Variants in SGCZ observed in about 807,000 individuals in gnomAD.
SGCZ encodes the protein zeta-sarcoglycan.
SGCZ carries 40 observed loss-of-function variants against 41.3 expected under a neutral mutation model. The ratio of observed to expected loss-of-function variants is 0.97; its 90% CI spans 0.75 to 1.26. The LOEUF (loss-of-function observed/expected upper bound fraction) is 1.26. Among genes scored for constraint, SGCZ ranks in the 50% most tolerant of loss-of-function variants. The probability of loss-of-function intolerance (pLI) is 0.00; values close to 1 mark genes in which losing one functional copy is unlikely to be tolerated. For missense variants in SGCZ, 552 were observed against 369.8 expected (o/e 1.49, Z -4.04); for synonymous variants, 206 against 137.5 (o/e 1.50, Z -3.49).
chr8:14,474,255 T>G (rs1001451504), intron 2 of SGCZ, among the ~76,000 whole-genome samples: 3 of 152,238 alleles, frequency 2.0e-5, no homozygotes, highest in African/African-American at 7.2e-5. Context: ...CACTTTTGAT[T>G]TGCATTATCA....
At chr8:14,913,123 T>C (rs1328299704) in intron 1 of SGCZ, among the ~76,000 whole-genome samples, 2 of 152,088 alleles carry the variant, frequency 1.3e-5, no homozygotes, top group Non-Finnish European at 2.9e-5. Context: ...TTGGTAAATA[T>C]CTTTTTAATT....
At chr8:14,798,990 C>G (rs1272586088) in intron 1 of SGCZ, among the ~76,000 whole-genome samples, 1 of 151,716 alleles carries the variant, frequency 6.6e-6, no homozygotes, top group African/African-American at 2.4e-5. Flanking sequence ...TACCATAATA[C>G]AGTAGTGGAT....
chr8:14,745,483 T>A (rs7844985), intron 1 of SGCZ, among the ~76,000 whole-genome samples: 13 of 152,132 alleles, frequency 8.5e-5, no homozygotes, highest in African/African-American at 3.1e-4. Flanking sequence ...CTCTGGAGGT[T>A]GAGGTGGGAG....
chr8:14,135,972 T>C (rs1803184661), intron 5 of SGCZ, among the ~76,000 whole-genome samples: 2 of 152,216 alleles, frequency 1.3e-5, no homozygotes, highest in African/African-American at 4.8e-5. Context: ...TAACTAGTTT[T>C]ATGAGATTGG....
At chr8:14,614,456 T>C (rs547305388) in intron 1 of SGCZ, among the ~76,000 whole-genome samples, 1 of 152,306 alleles carries the variant, frequency 6.6e-6, no homozygotes, top group African/African-American at 2.4e-5. Context: ...GTACACATGA[T>C]TGTATTTTTC....
chr8:14,979,692 A>T (rs937663330), intron 1 of SGCZ, among the ~76,000 whole-genome samples: 1 of 152,220 alleles, frequency 6.6e-6, no homozygotes, highest in Non-Finnish European at 1.5e-5. Context: ...GTGCCTTTTA[A>T]ATCAACCAAT....
chr8:14,309,688 G>T, intron 3 of SGCZ: 3 of 1,609,984 alleles, frequency 1.9e-6, no homozygotes, highest in Non-Finnish European at 2.5e-6. Flanking sequence ...GACACCTTCT[G>T]AGTATTCTCA....
At chr8:15,120,366 T>C (rs1418076754) in intron 1 of SGCZ, among the ~76,000 whole-genome samples, 2 of 152,196 alleles carry the variant, frequency 1.3e-5, no homozygotes, top group Non-Finnish European at 2.9e-5. Context: ...CCTATACAGG[T>C]AGTATTTTCC....
intron 5 of SGCZ, among the ~76,000 whole-genome samples, chr8:14,133,157 C>T (rs908170368): frequency 5.3e-5 from 8 of 152,176 alleles, no homozygotes; most frequent in Non-Finnish European, 8.8e-5. Flanking sequence ...CTTAAAGTGA[C>T]TTCAGTTCTT....
intron 1 of SGCZ, among the ~76,000 whole-genome samples, chr8:14,924,056 T>A (rs1366159862): frequency 1.3e-5 from 2 of 151,854 alleles, no homozygotes; most frequent in Admixed American, 1.3e-4. Flanking sequence ...TTAAGGGGAG[T>A]TTCATGGTTG....
intron 1 of SGCZ, among the ~76,000 whole-genome samples, chr8:15,063,056 C>A (rs1804996063): frequency 6.6e-6 from 1 of 152,110 alleles, no homozygotes; most frequent in Non-Finnish European, 1.5e-5. Context: ...TCACATACAT[C>A]TTTGGTTTGC....
chr8:14,896,760 G>A (rs140608610), intron 1 of SGCZ, among the ~76,000 whole-genome samples: 6,826 of 146,102 alleles, frequency 0.047, 430 homozygotes, highest in African/African-American at 0.15. Flanking sequence ...TACAGGCGTG[G>A]GCCACCACAC....
chr8:14,979,389 T>C (rs929459291), intron 1 of SGCZ, among the ~76,000 whole-genome samples: 2 of 152,136 alleles, frequency 1.3e-5, no homozygotes, highest in Non-Finnish European at 2.9e-5. Flanking sequence ...AAAACCAGGA[T>C]CCAGGAAATT....
intron 4 of SGCZ, among the ~76,000 whole-genome samples, chr8:14,210,983 C>T (rs1199857398): frequency 6.6e-6 from 1 of 152,114 alleles, no homozygotes; most frequent in Non-Finnish European, 1.5e-5. Flanking sequence ...ATGAGAGAAA[C>T]CCACTTCAAG....
At chr8:15,128,903 C>T (rs551254302) in intron 1 of SGCZ, among the ~76,000 whole-genome samples, 3 of 152,296 alleles carry the variant, frequency 2.0e-5, no homozygotes, top group African/African-American at 7.2e-5. Context: ...ACATTCTCTT[C>T]TCTGCTGTCT....
chr8:14,754,541 T>A (rs572218739), intron 1 of SGCZ, among the ~76,000 whole-genome samples: 1 of 152,294 alleles, frequency 6.6e-6, no homozygotes, highest in Non-Finnish European at 1.5e-5. Flanking sequence ...ACACATATAT[T>A]ATAGGAATCC....
intron 1 of SGCZ, among the ~76,000 whole-genome samples, chr8:14,643,375 G>A (rs557000713): frequency 6.6e-6 from 1 of 151,580 alleles, no homozygotes; most frequent in East Asian, 2.0e-4. Flanking sequence ...TATTATTGTT[G>A]TAAATGCAAG....
intron 1 of SGCZ, among the ~76,000 whole-genome samples, chr8:14,697,466 C>T (rs1220366661): frequency 6.6e-6 from 1 of 152,034 alleles, no homozygotes; most frequent in Non-Finnish European, 1.5e-5. Context: ...CATTTGCATA[C>T]CAATCCCCTT....
At chr8:14,964,432 A>C (rs1034751849) in intron 1 of SGCZ, among the ~76,000 whole-genome samples, 5 of 152,208 alleles carry the variant, frequency 3.3e-5, no homozygotes, top group African/African-American at 1.2e-4. Flanking sequence ...AGGACTTTAG[A>C]GCTTCAAATT....
Sources: allele counts gnomAD v4.1 joint callset (sites outside exome capture counted in the v4.1 genomes callset), GRCh38; gene constraint gnomAD v4.1.1; transcripts MANE v1.5; gene names NCBI Gene and HGNC (gene_info 2026-07-23, HGNC 2026-07-21).